Variants in LGI4 observed in about 807,000 individuals in gnomAD.
The protein encoded by LGI4 is leucine-rich repeat LGI family member 4.
A neutral mutation model predicts 48.3 loss-of-function variants in LGI4; 36 were observed. The ratio of observed to expected loss-of-function variants is 0.75; its 90% CI spans 0.57 to 0.98. The LOEUF is 0.98. LGI4 is among the 50% of genes least tolerant of loss of function. The pLI is 0.00. For synonymous variants in LGI4, 355 were observed against 331.6 expected, an observed-to-expected ratio of 1.07 and a Z score of -0.77; for missense variants, 701 against 732.1, an observed-to-expected ratio of 0.96 and a Z score of 0.49.
Position 35,131,817 on chromosome 19 carries a change from A to G in LGI4, c.430T>C (p.Phe144Leu). 3 of 1,572,492 alleles carry G rather than the reference A, an allele frequency of 1.9e-6. No homozygotes were observed. Among genetic ancestry groups the G allele is most frequent in the Non-Finnish European group, 8.6e-7 (1 of 1,158,386 alleles). The change falls in exon 5 of 9, where the codon TTC becomes CTC. Residue 144 changes from phenylalanine (F) to leucine (L), a missense_variant. Transcript: ENST00000310123. ...NHLETLPRFL[F>L]RGLDTLTHVD... ...TGAGTAAGGGTGTCCAGGCCTCGGA[A>G]CAGGAATCTGGGGAGGGTCTCCAGA...
At position 35,132,001 on chromosome 19, in the gene LGI4, G is replaced by T; in HGVS notation, c.356C>A (p.Ala119Asp). The T allele has an allele frequency of 6.3e-7, 1 of 1,588,358 alleles. No homozygotes were observed. The highest frequency in any genetic ancestry group is 8.6e-7 in the Non-Finnish European group (1 of 1,167,028). The stretch of plus-strand genomic sequence containing the variant: ...TGTAAGCGAGCGAAGTCCTCTGAGG[G>T]CATTCTTAGAGATGGAGCCAATCTC... ...DNEIGSISKN[A>D]LRGLRSLTHL... Residue 119 changes from alanine to aspartate, a missense_variant, in exon 4 of 9, where the codon GCC becomes GAC. This residue lies in a region of LGI4 where 462 missense variants were observed against 436.4 expected (regional missense o/e 1.06). Coordinates refer to ENST00000310123, the MANE Select transcript of LGI4 (RefSeq NM_139284.3).
chr19:35,131,915 T>G, intron 4 of LGI4, 55 bp from the exon 5 acceptor site: 2 of 1,566,536 alleles, frequency 1.3e-6, no homozygotes, highest in Non-Finnish European at 1.7e-6. Context: ...CTGTGTTCCC[T>G]GGGGGGTGGA....
chr19:35,129,681 G>A (rs2065162121), intron 6 of LGI4, among the ~76,000 whole-genome samples: 1 of 152,158 alleles, frequency 6.6e-6, no homozygotes, highest in Non-Finnish European at 1.5e-5. Flanking sequence ...AAGAAAGCCT[G>A]GGTATTGTCC....
chr19:35,128,948 C>T (rs920215627), intron 6 of LGI4, among the ~76,000 whole-genome samples: 1 of 152,146 alleles, frequency 6.6e-6, no homozygotes, highest in East Asian at 1.9e-4. Context: ...TTAGCCACAT[C>T]GAGACCTAAC....
rs187083354 is a variant in LGI4, at chr19:35,134,150, C to G, written c.171-46G>C. 7.9e-6 allele frequency: 12 copies of G among 1,512,070 alleles called. No individual in the cohort carries two copies. In the Middle Eastern group the frequency reaches 1.0e-3, roughly 128 times the overall value. The allele number at this position is 1,512,070 out of a possible 1,614,324, so 93.7% of individuals were successfully genotyped here. ...AGGTGAGAGGGACACCACAGCAATA[C>G]TCCAGTTGCAAACCAGAACCTTCTG... On this transcript the variant is annotated intron_variant, in intron 1 of 8. Transcript: ENST00000310123.
intron 5 of LGI4, 108 bp downstream of exon 5, chr19:35,131,681 A>G: frequency 7.2e-7 from 1 of 1,398,130 alleles, no homozygotes; most frequent in Non-Finnish European, 9.8e-7. Context: ...AATACGTAAG[A>G]ACCACTGCAG....
Position 35,127,610 on chromosome 19 carries a change from A to G in LGI4, c.629-593T>C, listed in dbSNP as rs575399699. 3.3e-5 allele frequency among the ~76,000 whole-genome samples: 5 copies of G among 150,130 alleles called. No individual in the cohort carries two copies. In the South Asian group the frequency reaches 6.4e-4, roughly 19 times the overall value. On this transcript the variant is annotated intron_variant, in intron 6 of 8. Transcript: ENST00000310123. ...ACCATGTTGGCCAGGCTTGTCTCGAACTCCTGACCTCATAATCTGCCCGCC... is the reference window on the plus strand; with the variant it reads ...ACCATGTTGGCCAGGCTTGTCTCGAGCTCCTGACCTCATAATCTGCCCGCC...
Position 35,126,847 on chromosome 19 carries a change from G to T in LGI4, c.793+6C>A, listed in dbSNP as rs563492582. The T allele has an allele frequency of 1.7e-5, 27 of 1,608,360 alleles. No homozygotes were observed. In the East Asian group the frequency reaches 5.6e-4, roughly 33 times the overall value. ...GGACAGGCAGAAGGACGGGGAGGGG[G>T]CTCACCGGGCAGCTCTTCCTCGGGC... On this transcript the variant is annotated splice_donor_region_variant and intron_variant, in intron 7 of 8. Transcript: ENST00000310123.
chr19:35,134,224 C>G, intron 1 of LGI4, 120 bp from the exon 2 acceptor site: 1 of 944,376 alleles, frequency 1.1e-6, no homozygotes, highest in Non-Finnish European at 1.6e-6. Context: ...TGTGTCTCCC[C>G]TGCATGCCAG....
chr19:35,127,181 G>A (rs1003060861), intron 6 of LGI4, among the ~76,000 whole-genome samples, 164 bp from the exon 7 acceptor site: 1 of 152,022 alleles, frequency 6.6e-6, no homozygotes, highest in Admixed American at 6.6e-5. Flanking sequence ...GGTTTGGGTC[G>A]AGGGGTATTT....
At chr19:35,129,958 A>C (rs1350619744) in intron 6 of LGI4, among the ~76,000 whole-genome samples, 1 of 152,160 alleles carries the variant, frequency 6.6e-6, no homozygotes, top group African/African-American at 2.4e-5. Context: ...GCTGGCGGCA[A>C]TACTGCTCAG....
chr19:35,126,244 C>G (rs2065135135), intron 8 of LGI4, 26 bp downstream of exon 8: 2 of 1,603,596 alleles, frequency 1.2e-6, no homozygotes, highest in Non-Finnish European at 1.7e-6. Context: ...GAAAAGCCAG[C>G]CCCCCGCCCC....
chr19:35,134,311 G>A (rs926533072), intron 1 of LGI4, among the ~76,000 whole-genome samples, 200 bp downstream of exon 1: 1 of 152,174 alleles, frequency 6.6e-6, no homozygotes, highest in Admixed American at 6.5e-5. Flanking sequence ...CCCAAATGCT[G>A]TCCCTGCCCT....
chr19:35,133,580 G>A, intron 3 of LGI4, 113 bp downstream of exon 3: 6 of 1,487,990 alleles, frequency 4.0e-6, no homozygotes, highest in Non-Finnish European at 5.4e-6. Context: ...CCACCATGAT[G>A]TCCAAACACC....
chr19:35,134,717 G>C lies in LGI4; in HGVS notation c.-37C>G. ...CACTCTGAGGCACCCGCTTCTCCCGGCCCACCCAGCTCAGCCCAGGCCACT... is the reference window on the plus strand; with the variant it reads ...CACTCTGAGGCACCCGCTTCTCCCGCCCCACCCAGCTCAGCCCAGGCCACT... On this transcript the variant is annotated 5_prime_UTR_variant, in exon 1 of 9. Transcript: ENST00000310123. 1 of 1,194,748 alleles carries C rather than the reference G, an allele frequency of 8.4e-7. No individual in the cohort carries two copies. The highest frequency in any genetic ancestry group is 1.2e-6 in the Non-Finnish European group (1 of 862,506). The allele number at this position is 1,194,748 out of a possible 1,614,324, so 74.0% of individuals were successfully genotyped here.
At position 35,126,837 on chromosome 19, in the gene LGI4, C is replaced by G; in HGVS notation, c.793+16G>C. ...GCAGGCTGCTGGACAGGCAGAAGGA[C>G]GGGGAGGGGGCTCACCGGGCAGCTC... On this transcript the variant is annotated intron_variant, in intron 7 of 8. Transcript: ENST00000310123. 6.2e-7 allele frequency: 1 copy of G among 1,605,508 alleles called. No homozygotes were observed. The highest frequency in any genetic ancestry group is 8.5e-7 in the Non-Finnish European group (1 of 1,177,882).
intron 8 of LGI4, 162 bp downstream of exon 8, chr19:35,126,108 G>A (rs1344878984): frequency 4.1e-6 from 3 of 737,994 alleles, no homozygotes; most frequent in Non-Finnish European, 6.7e-6. Flanking sequence ...GGAGTGGTTC[G>A]GAGTCAGCCA....
chr19:35,126,656 G>T lies in LGI4; in HGVS notation c.913C>A (p.Pro305Thr). 6.5e-7 allele frequency: 1 copy of T among 1,537,086 alleles called. No homozygotes were observed. The highest frequency in any genetic ancestry group is 2.4e-5 in the East Asian group (1 of 41,434). The change falls in exon 8 of 9, where the codon CCA becomes ACA. Residue 305 changes from proline (P) to threonine (T), a missense_variant. Pro to Thr is a conservative substitution (Grantham distance 38). Around this residue, in one of 3 missense-constraint regions of LGI4, gnomAD observed 462 missense variants for 436.4 expected, o/e 1.06. Coordinates refer to ENST00000310123, the MANE Select transcript of LGI4 (RefSeq NM_139284.3). ...ARPSPGLRLA[P>T]TQTLAPRRLL... Reference sequence around the variant, plus strand: ...CGCCGCGGGGCCAGGGTCTGCGTTGGGGCCAGGCGCAGGCCGGGACTGGGC... The same window carrying T: ...CGCCGCGGGGCCAGGGTCTGCGTTGTGGCCAGGCGCAGGCCGGGACTGGGC...
rs367820244 is a variant in LGI4, at chr19:35,126,227, CA to C, written c.1299+42del. 765 of 1,595,034 alleles carry C rather than the reference CA, an allele frequency of 4.8e-4. 8 individuals are homozygous for C. In the South Asian group the frequency reaches 6.1e-3, roughly 13 times the overall value. On this transcript the variant is annotated intron_variant, in intron 8 of 8. Transcript: ENST00000310123. ...AGAGGCTTAGTGTGCAAGATTGGGT[CA>C]GTGCTGAAAAGCCAGCCCCCCGCCC...
Sources: gnomAD v4.1 joint callset for allele counts (sites outside exome capture counted in the v4.1 genomes callset) on GRCh38, gnomAD v4.1.1 for gene constraint, gnomAD v4.1.1 regional missense constraint, MANE v1.5 for transcripts, NCBI Gene and HGNC (gene_info 2026-07-23, HGNC 2026-07-21) for gene names.